The following FLT1 variants were observed in gnomAD, a reference collection of about 807,000 sequenced individuals.
The protein encoded by FLT1 is vascular endothelial growth factor receptor 1.
FLT1 carries 49 observed loss-of-function variants against 156.3 expected under a neutral mutation model. That is an observed-to-expected ratio of 0.31 (90% CI 0.25 to 0.40). FLT1 has a LOEUF of 0.40. Ranked by LOEUF, FLT1 falls within the 10% of genes least tolerant of loss-of-function variation. The pLI is 1.00. For synonymous variants in FLT1, 594 were observed against 583.8 expected (o/e 1.02, Z -0.25); for missense variants, 1,322 against 1,637.2 (o/e 0.81, Z 3.32).
At chr13:28,483,039 A>G (rs1220745200) in intron 1 of FLT1, among the ~76,000 whole-genome samples, 2 of 152,158 alleles carry the variant, frequency 1.3e-5, no homozygotes, top group Non-Finnish European at 2.9e-5. Context: ...CAATTACTCT[A>G]TTTCCACACA....
chr13:28,455,245 G>T (rs1248341458), intron 3 of FLT1, among the ~76,000 whole-genome samples: 8 of 149,562 alleles, frequency 5.3e-5, no homozygotes, highest in Non-Finnish European at 1.2e-4. Context: ...CTAACTTCAA[G>T]ACTTACTACA....
At chr13:28,345,592 A>T in intron 15 of FLT1, 41 bp from the exon 16 acceptor site, 2 of 1,186,252 alleles carry the variant, frequency 1.7e-6, no homozygotes, top group Non-Finnish European at 2.5e-6. Flanking sequence ...CAACAAAGAA[A>T]TTCCCAAACT....
intron 25 of FLT1, among the ~76,000 whole-genome samples, chr13:28,316,200 C>T (rs969877507): frequency 6.6e-6 from 1 of 152,252 alleles, no homozygotes; most frequent in African/African-American, 2.4e-5. Flanking sequence ...CCTGAGTCTC[C>T]TGTCCACCTC....
intron 15 of FLT1, chr13:28,346,386 A>T (rs2138860387): frequency 6.6e-6 from 1 of 152,284 alleles, no homozygotes; most frequent in East Asian, 1.9e-4. Context: ...ATTTCCCAGG[A>T]ATTCTAAAGT....
intron 20 of FLT1, among the ~76,000 whole-genome samples, chr13:28,326,935 T>C (rs1208316905): frequency 6.6e-6 from 1 of 152,152 alleles, no homozygotes; most frequent in Non-Finnish European, 1.5e-5. Flanking sequence ...AGGGATGACA[T>C]GGGTAGTGAG....
rs540840875 is a variant in FLT1 at position 28,357,795 on chromosome 13, G to A, written c.2117-110C>T. ...ATTATGCATTCAGACAAGGAAATCC[G>A]AGCTCTAGTGAACCTGGGGCAGGGT... On this transcript the variant is annotated intron_variant, in intron 14 of 29. Coordinates refer to ENST00000282397, the MANE Select transcript of FLT1 (RefSeq NM_002019.4). The A allele has an allele frequency of 3.0e-5, 30 of 988,454 alleles. No individual in the cohort carries two copies. The East Asian group carries it at 4.1e-4, about 14-fold the overall frequency. 61.2% of individuals were successfully genotyped at this position (988,454 alleles called of 1,614,324 possible). A position where few individuals can be genotyped will look rare whatever the true frequency, so the allele number is the denominator to read the frequency against.
At chr13:28,492,504 GA>G (rs1358909278) in intron 1 of FLT1, among the ~76,000 whole-genome samples, 4 of 152,158 alleles carry the variant, frequency 2.6e-5, no homozygotes, top group Non-Finnish European at 4.4e-5. Flanking sequence ...CTTTAGAGGG[GA>G]AAGGCATTAT....
chr13:28,446,495 T>C (rs1295318828), intron 3 of FLT1, among the ~76,000 whole-genome samples: 5 of 152,230 alleles, frequency 3.3e-5, no homozygotes, highest in Non-Finnish European at 7.3e-5. Flanking sequence ...ATTATATTCC[T>C]ATACATTTGC....
chr13:28,308,140 C>G (rs532293296), intron 28 of FLT1, among the ~76,000 whole-genome samples: 16 of 152,324 alleles, frequency 1.1e-4, no homozygotes, highest in African/African-American at 3.8e-4. Context: ...TGCAGCCTGA[C>G]TCAGTGGGTG....
chr13:28,312,962 ATTTTTATTTTTATT>A lies in FLT1; in HGVS notation c.3387-878_3387-865del, dbSNP rs1166556013. 1.7e-4 allele frequency among the ~76,000 whole-genome samples: 21 copies of A among 124,368 alleles called. No homozygotes were observed. In the Admixed American group the frequency reaches 1.7e-3, roughly 10 times the overall value. 81.6% of individuals were successfully genotyped at this position (124,368 alleles called of 152,430 possible). On this transcript the variant is annotated intron_variant, in intron 25 of 29. Transcript: ENST00000282397. ...GATTCTTCTCTTACATTTTATTTTT[ATTTTTATTTTTATT>A]TTTATTTTTATTTTTATTTTGATGC...
Position 28,418,137 on chromosome 13 carries a change from C to T in FLT1, c.1436+9022G>A, listed in dbSNP as rs1876766299. On this transcript the variant is annotated intron_variant, in intron 10 of 29. Coordinates refer to ENST00000282397, the MANE Select transcript of FLT1 (RefSeq NM_002019.4). Reference sequence around the variant, plus strand: ...GGACAATACGAATAGGGGAAAGTGCCACAATAAGCAGGCCCATTAACTGTT... The same window carrying T: ...GGACAATACGAATAGGGGAAAGTGCTACAATAAGCAGGCCCATTAACTGTT... 2.0e-5 allele frequency among the ~76,000 whole-genome samples: 3 copies of T among 152,084 alleles called. No individual in the cohort carries two copies. The South Asian group carries it at 6.2e-4, about 32-fold the overall frequency.
intron 3 of FLT1, among the ~76,000 whole-genome samples, chr13:28,458,020 C>T (rs1349518999): frequency 2.0e-5 from 3 of 149,382 alleles, no homozygotes; most frequent in Non-Finnish European, 3.0e-5. Flanking sequence ...CTGCAACCTC[C>T]ACCTCCTGGG....
At chr13:28,414,070 A>G (rs765188928) in intron 10 of FLT1, among the ~76,000 whole-genome samples, 7 of 152,326 alleles carry the variant, frequency 4.6e-5, no homozygotes, top group Non-Finnish European at 7.3e-5. Context: ...ATTGGCCAAC[A>G]TTGAGGGATG....
chr13:28,399,007 C>T, intron 11 of FLT1: 1 of 1,390,492 alleles, frequency 7.2e-7, no homozygotes, highest in Non-Finnish European at 1.0e-6. Context: ...TTCTGAATAG[C>T]CATTTCCTTG....
At chr13:28,448,661 A>G (rs527567707) in intron 3 of FLT1, among the ~76,000 whole-genome samples, 3 of 152,346 alleles carry the variant, frequency 2.0e-5, no homozygotes, top group African/African-American at 7.2e-5. Flanking sequence ...GACATATTCT[A>G]AAATTGACCG....
At chr13:28,494,082 C>G (rs1398266064) in intron 1 of FLT1, among the ~76,000 whole-genome samples, 3 of 152,220 alleles carry the variant, frequency 2.0e-5, no homozygotes, top group South Asian at 2.1e-4. Context: ...CTGAGCGCAG[C>G]GCACTGGGGC....
intron 14 of FLT1, among the ~76,000 whole-genome samples, chr13:28,382,622 G>A (rs1177209881): frequency 6.6e-6 from 1 of 152,194 alleles, no homozygotes; most frequent in Non-Finnish European, 1.5e-5. Context: ...GGTGTTCAGA[G>A]GCTAGGTAAT....
At chr13:28,379,257 C>T (rs1203658109) in intron 14 of FLT1, among the ~76,000 whole-genome samples, 1 of 152,172 alleles carries the variant, frequency 6.6e-6, no homozygotes, top group Non-Finnish European at 1.5e-5. Flanking sequence ...GCACCAGAAC[C>T]TGGGAGGCGG....
rs774568950 is a variant in FLT1, at chr13:28,357,700, A to G, written c.2117-15T>C. 1.9e-6 allele frequency: 3 copies of G among 1,612,520 alleles called. No individual in the cohort carries two copies. Among genetic ancestry groups the G allele is most frequent in the African/African-American group, 2.7e-5 (2 of 74,800 alleles). On this transcript the variant is annotated splice_polypyrimidine_tract_variant and intron_variant, in intron 14 of 29. Transcript: ENST00000282397. ...TAAAATAATTCCTGAGGGGTGAGAG[A>G]TGTTTAGATTAGTGGGCCTGGATGA...
Sources: gnomAD v4.1 joint callset for allele counts (sites outside exome capture counted in the v4.1 genomes callset) on GRCh38, gnomAD v4.1.1 for gene constraint, MANE v1.5 for transcripts, NCBI Gene and HGNC (gene_info 2026-07-23, HGNC 2026-07-21) for gene names.